GAS7: variants seen among roughly 807,000 people sequenced by gnomAD.
GAS7 encodes the protein growth arrest-specific protein 7.
Under a neutral mutation model 71.1 loss-of-function variants are expected in GAS7, and 28 were observed. The observed-to-expected ratio is 0.39, with a 90% CI of 0.29 to 0.54. The LOEUF (loss-of-function observed/expected upper bound fraction) is 0.54. GAS7 is among the 20% of genes least tolerant of loss of function. The probability of loss-of-function intolerance (pLI) is 0.62; values close to 1 mark genes in which losing one functional copy is unlikely to be tolerated. For synonymous variants in GAS7, 258 were observed against 245.8 expected, an observed-to-expected ratio of 1.05 and a Z score of -0.46; for missense variants, 436 against 627.8, an observed-to-expected ratio of 0.69 and a Z score of 3.27.
intron 3 of GAS7, among the ~76,000 whole-genome samples, chr17:9,979,011 C>G (rs189938608): frequency 2.0e-5 from 3 of 152,288 alleles, no homozygotes; most frequent in Admixed American, 2.0e-4. Context: ...AGCCCCTCCC[C>G]CCGGTGCTGG....
chr17:10,093,925 C>A (rs975521283), intron 1 of GAS7, among the ~76,000 whole-genome samples: 18 of 152,144 alleles, frequency 1.2e-4, no homozygotes, highest in African/African-American at 4.3e-4. Context: ...TGGCTCAGCA[C>A]CCTCTCAGGA....
At chr17:10,189,723 G>C (rs2074483165) in intron 1 of GAS7, among the ~76,000 whole-genome samples, 1 of 152,170 alleles carries the variant, frequency 6.6e-6, no homozygotes, top group African/African-American at 2.4e-5. Flanking sequence ...TGGATCACTT[G>C]AGGCCAGGAG....
rs1296844463 is a variant in GAS7 at position 10,005,050 on chromosome 17, T to TATACAC, written c.304+14726_304+14727insGTGTAT. On this transcript the variant is annotated intron_variant, in intron 2 of 13. Coordinates refer to ENST00000432992, the MANE Select transcript of GAS7 (RefSeq NM_201433.2). Reference sequence around the variant, plus strand: ...CTCTCTATATATACATACATATATATACACATATATGTGTGTATGCACGCA... The same window carrying TATACAC: ...CTCTCTATATATACATACATATATATATACACACACATATATGTGTGTATGCACGCA... Among the ~76,000 whole-genome samples the TATACAC allele has an allele frequency of 6.3e-4, 94 of 150,158 alleles. 1 individual carries two copies. Among genetic ancestry groups the TATACAC allele is most frequent in the African/African-American group, 2.1e-3 (83 of 40,144 alleles).
At chr17:9,998,440 G>A (rs2071128928) in intron 2 of GAS7, among the ~76,000 whole-genome samples, 2 of 152,262 alleles carry the variant, frequency 1.3e-5, no homozygotes, top group South Asian at 2.1e-4. Context: ...TCTGCCAAAT[G>A]GCTGCTGAAG....
chr17:10,093,904 G>T (rs534720192), intron 1 of GAS7, among the ~76,000 whole-genome samples: 1 of 152,060 alleles, frequency 6.6e-6, no homozygotes, highest in Non-Finnish European at 1.5e-5. Context: ...CCACTCCCAA[G>T]AAATCAGACA....
intron 2 of GAS7, among the ~76,000 whole-genome samples, chr17:10,010,715 G>A (rs1167856182): frequency 1.3e-5 from 2 of 152,070 alleles, no homozygotes; most frequent in African/African-American, 4.8e-5. Context: ...CCTACAGTTG[G>A]GCAAAATCAT....
At chr17:10,179,832 G>A (rs900155188) in intron 1 of GAS7, among the ~76,000 whole-genome samples, 1 of 152,112 alleles carries the variant, frequency 6.6e-6, no homozygotes, top group African/African-American at 2.4e-5. Flanking sequence ...TGGGAAGGAC[G>A]CTCCGAGACA....
At position 9,917,250 on chromosome 17, in the gene GAS7, C is replaced by T; in HGVS notation, c.1409G>A (p.Arg470His). The change falls in exon 14 of 14, where the codon CGC (arginine) becomes CAC (histidine). Residue 470 changes from arginine (R) to histidine (H), a missense_variant. Arg to His is a conservative substitution (Grantham distance 29, BLOSUM62 0). Transcript: ENST00000432992. ...WVREHKTGNIRPVDMEI is the reference protein window; with the variant it reads ...WVREHKTGNIHPVDMEI ...CATCTAGATCTCCATGTCCACAGGG[C>T]GGATGTTGCCCGTCTTGTGCTCTCT... 1 of 1,609,502 alleles carries T rather than the reference C, an allele frequency of 6.2e-7. No homozygotes were observed. Among genetic ancestry groups the T allele is most frequent in the East Asian group, 2.2e-5 (1 of 44,858 alleles).
chr17:9,923,060 C>T (rs182647153), intron 11 of GAS7, among the ~76,000 whole-genome samples: 1 of 152,250 alleles, frequency 6.6e-6, no homozygotes, highest in Non-Finnish European at 1.5e-5. Flanking sequence ...AGGCACACAC[C>T]ACCACACCCA....
chr17:10,127,179 T>A (rs1320837848), intron 1 of GAS7, among the ~76,000 whole-genome samples: 1 of 152,094 alleles, frequency 6.6e-6, no homozygotes, highest in African/African-American at 2.4e-5. Flanking sequence ...CTAAATCAAG[T>A]TAGTTTAACC....
chr17:10,176,704 C>T (rs1472490550), intron 1 of GAS7, among the ~76,000 whole-genome samples: 1 of 152,184 alleles, frequency 6.6e-6, no homozygotes, highest in Non-Finnish European at 1.5e-5. Context: ...GAGAGGACCA[C>T]TCCAAGCATC....
intron 2 of GAS7, among the ~76,000 whole-genome samples, chr17:10,016,576 G>A (rs1456851470): frequency 8.4e-6 from 1 of 118,516 alleles, no homozygotes; most frequent in African/African-American, 3.3e-5. Context: ...ATCAGCCTAG[G>A]CAACATACTG....
chr17:10,075,795 A>G (rs1269123934), intron 1 of GAS7, among the ~76,000 whole-genome samples: 1 of 149,134 alleles, frequency 6.7e-6, no homozygotes, highest in Non-Finnish European at 1.5e-5. Context: ...ACCTTATCTC[A>G]GTTTTAAAAA....
chr17:10,150,340 G>A (rs370086243), intron 1 of GAS7, among the ~76,000 whole-genome samples: 1 of 151,168 alleles, frequency 6.6e-6, no homozygotes, highest in Non-Finnish European at 1.5e-5. Flanking sequence ...TCTCCCTTCC[G>A]CCCATTCCCC....
intron 1 of GAS7, among the ~76,000 whole-genome samples, chr17:10,053,999 G>T (rs557822340): frequency 6.6e-6 from 1 of 152,244 alleles, no homozygotes; most frequent in African/African-American, 2.4e-5. Context: ...TTTCTCACAA[G>T]CCCCCAACTG....
At chr17:10,044,477 CTGAG>C (rs2072918897) in intron 1 of GAS7, among the ~76,000 whole-genome samples, 1 of 152,122 alleles carries the variant, frequency 6.6e-6, no homozygotes, top group Non-Finnish European at 1.5e-5. Context: ...CATACACAGT[CTGAG>C]TGTTTGTGTG....
intron 1 of GAS7, among the ~76,000 whole-genome samples, chr17:10,053,732 A>G (rs1404434870): frequency 2.0e-5 from 3 of 151,948 alleles, no homozygotes; most frequent in Non-Finnish European, 4.4e-5. Context: ...GCAGGTACCG[A>G]CTCTGCCTGG....
rs2067566275 is a variant in GAS7, at chr17:9,915,746, GA to G, written c.*1481del. On this transcript the variant is annotated 3_prime_UTR_variant, in exon 14 of 14. Transcript: ENST00000432992. ...AGGTCAAACCCAAAGTGGTCAATGG[GA>G]AAGATGAAGAAAGATGGATTTCCAG... The G allele has an allele frequency of 2.6e-5, 6 of 230,896 alleles. No homozygotes were observed. The East Asian group carries it at 3.7e-4, about 14-fold the overall frequency. The allele number at this position is 230,896 out of a possible 1,614,324, so 14.3% of individuals were successfully genotyped here.
intron 1 of GAS7, among the ~76,000 whole-genome samples, chr17:10,031,146 A>G (rs974243926): frequency 3.9e-5 from 6 of 152,212 alleles, no homozygotes; most frequent in Non-Finnish European, 7.3e-5. Flanking sequence ...AGACCTATCC[A>G]GCTCCTGGTA....
Sources: allele counts gnomAD v4.1 joint callset (sites outside exome capture counted in the v4.1 genomes callset), GRCh38; gene constraint gnomAD v4.1.1; transcripts MANE v1.5; gene names NCBI Gene and HGNC (gene_info 2026-07-23, HGNC 2026-07-21).